The following PDZD8 variants were observed in gnomAD, a reference collection of about 807,000 sequenced individuals.
PDZD8 encodes the protein PDZ domain-containing protein 8.
Under a neutral mutation model 85.8 loss-of-function variants are expected in PDZD8, and 14 were observed. The ratio of observed to expected loss-of-function variants is 0.16; its 90% CI spans 0.11 to 0.26. The LOEUF is 0.26. Among genes scored for constraint, PDZD8 ranks in the 10% least tolerant of loss-of-function variants. PDZD8 has a pLI of 1.00. For synonymous variants in PDZD8, 592 were observed against 568.6 expected (o/e 1.04, Z -0.59); for missense variants, 1,197 against 1,424.3 (o/e 0.84, Z 2.57).
At chr10:117,305,984 GGTT>G (rs1176726068) in intron 3 of PDZD8, among the ~76,000 whole-genome samples, 2 of 152,058 alleles carry the variant, frequency 1.3e-5, no homozygotes, top group Non-Finnish European at 1.5e-5. Context: ...TACCACACTG[GGTT>G]GTTGTCAACA....
chr10:117,370,258 T>C (rs1337157726), intron 1 of PDZD8, among the ~76,000 whole-genome samples: 1 of 152,264 alleles, frequency 6.6e-6, no homozygotes, highest in African/African-American at 2.4e-5. Flanking sequence ...ACAAACATTG[T>C]AAGTTTGTTA....
chr10:117,375,285 C>A lies in PDZD8; in HGVS notation c.-58G>T, dbSNP rs1845284727. ...CGCGCCCACAGCGCCGCTTTCTTCA[C>A]GCCGCCGCCCCCGCTGCCTCCATTT... On this transcript the variant is annotated 5_prime_UTR_variant, in exon 1 of 5. Transcript: ENST00000334464. 7.3e-7 allele frequency: 1 copy of A among 1,377,268 alleles called. No homozygotes were observed. The highest frequency in any genetic ancestry group is 9.5e-7 in the Non-Finnish European group (1 of 1,054,752). 85.3% of individuals were successfully genotyped at this position (1,377,268 alleles called of 1,614,324 possible). A position where few individuals can be genotyped will look rare whatever the true frequency, so the allele number is the denominator to read the frequency against.
intron 2 of PDZD8, among the ~76,000 whole-genome samples, chr10:117,330,074 T>C (rs1844396070): frequency 6.8e-6 from 1 of 147,350 alleles, no homozygotes; most frequent in Admixed American, 6.7e-5. Context: ...TTTTTTTTCC[T>C]TTGGTGACTA....
At chr10:117,363,730 T>C (rs1204816178) in intron 1 of PDZD8, among the ~76,000 whole-genome samples, 1 of 152,214 alleles carries the variant, frequency 6.6e-6, no homozygotes, top group Non-Finnish European at 1.5e-5. Flanking sequence ...TGAAAAATTT[T>C]CTAGCTTTTC....
At chr10:117,287,605 C>T (rs1342215052) in intron 4 of PDZD8, among the ~76,000 whole-genome samples, 1 of 152,154 alleles carries the variant, frequency 6.6e-6, no homozygotes, top group Non-Finnish European at 1.5e-5. Context: ...ATATTTGACT[C>T]CCTAGAAACA....
chr10:117,311,487 G>A (rs899193249), intron 3 of PDZD8, among the ~76,000 whole-genome samples: 11 of 152,108 alleles, frequency 7.2e-5, no homozygotes, highest in African/African-American at 9.7e-5. Flanking sequence ...TGAATGCCAC[G>A]TGCTATGAGC....
rs1373996418 is a variant in PDZD8 at position 117,282,471 on chromosome 10, T to A, written c.*797A>T. 1 of 152,184 alleles carries A rather than the reference T, an allele frequency of 6.6e-6. No homozygotes were observed. Among genetic ancestry groups the A allele is most frequent in the African/African-American group, 2.4e-5 (1 of 41,450 alleles). The allele number at this position is 152,184 out of a possible 1,614,324, so 9.4% of individuals were successfully genotyped here. A position where few individuals can be genotyped will look rare whatever the true frequency, so the allele number is the denominator to read the frequency against. On this transcript the variant is annotated 3_prime_UTR_variant, in exon 5 of 5. Transcript: ENST00000334464. Reference sequence around the variant, plus strand: ...ATGTTACTGTTTTTCAGTAATTAAGTCTTGTTATCCTCTCTACAAAATTCT... The same window carrying A: ...ATGTTACTGTTTTTCAGTAATTAAGACTTGTTATCCTCTCTACAAAATTCT...
Position 117,278,157 on chromosome 10 carries a change from G to A in PDZD8, c.*5111C>T, listed in dbSNP as rs363282. On this transcript the variant is annotated 3_prime_UTR_variant, in exon 5 of 5. Transcript: ENST00000334464. The stretch of plus-strand genomic sequence containing the variant: ...GTTTTAGAAAAGGAAACAAGAAGCT[G>A]AAAACAGCTGCTCTGACTTTAATAT... 0.77 allele frequency: 116,877 copies of A among 152,076 alleles called. 45,571 individuals are homozygous for A. The highest frequency in any genetic ancestry group is 0.85 in the Non-Finnish European group (57,753 of 67,998). 9.4% of individuals were successfully genotyped at this position (152,076 alleles called of 1,614,324 possible).
intron 2 of PDZD8, among the ~76,000 whole-genome samples, chr10:117,333,986 G>C (rs1462113109): frequency 6.6e-6 from 1 of 152,052 alleles, no homozygotes; most frequent in Admixed American, 6.6e-5. Context: ...AAGCAATGAG[G>C]GAAACAAAAG....
chr10:117,318,950 G>A lies in PDZD8; in HGVS notation c.1020C>T (p.Asp340=), dbSNP rs752358526. The A allele has an allele frequency of 6.2e-7, 1 of 1,611,322 alleles. No individual in the cohort carries two copies. Among genetic ancestry groups the A allele is most frequent in the Admixed American group, 1.7e-5 (1 of 59,958 alleles). ...CSRLLIFGSY[D]REANVHCTLE... is the part of the protein sequence containing the mutation. Reference sequence around the variant, plus strand: ...GTGTGCAATGAACATTTGCCTCTCTGTCATAGGATCCAAAAATGAGTAACC... The same window carrying A: ...GTGTGCAATGAACATTTGCCTCTCTATCATAGGATCCAAAAATGAGTAACC... The change falls in exon 3 of 5, where the codon GAC becomes GAT. Residue 340 remains aspartate (D), a synonymous_variant. Transcript: ENST00000334464.
intron 1 of PDZD8, among the ~76,000 whole-genome samples, chr10:117,367,372 C>A (rs963079132): frequency 6.6e-6 from 1 of 151,952 alleles, no homozygotes; most frequent in Non-Finnish European, 1.5e-5. Context: ...TATAGCGCCA[C>A]CGCACTCCAG....
chr10:117,301,611 A>G (rs1463474837), intron 3 of PDZD8, among the ~76,000 whole-genome samples: 1 of 152,234 alleles, frequency 6.6e-6, no homozygotes, highest in East Asian at 1.9e-4. Context: ...ATGTCAGATC[A>G]ATTTGTTTAT....
intron 4 of PDZD8, among the ~76,000 whole-genome samples, chr10:117,288,762 C>T (rs1844709282): frequency 6.6e-6 from 1 of 152,222 alleles, no homozygotes; most frequent in South Asian, 2.1e-4. Flanking sequence ...CCCGCCTCGG[C>T]CTCCCAAAGT....
chr10:117,278,500 C>T lies in PDZD8; in HGVS notation c.*4768G>A, dbSNP rs1396749562. ...TGCCTTTTCAGTGTAACAGCAAATACTGTTAGTGAACATTGTCAATTTATG... is the reference window on the plus strand; with the variant it reads ...TGCCTTTTCAGTGTAACAGCAAATATTGTTAGTGAACATTGTCAATTTATG... On this transcript the variant is annotated 3_prime_UTR_variant, in exon 5 of 5. Transcript: ENST00000334464. The T allele has an allele frequency of 1.3e-5, 2 of 152,186 alleles. No homozygotes were observed. The highest frequency in any genetic ancestry group is 4.8e-5 in the African/African-American group (2 of 41,462). 9.4% of individuals were successfully genotyped at this position (152,186 alleles called of 1,614,324 possible). A position where few individuals can be genotyped will look rare whatever the true frequency, so the allele number is the denominator to read the frequency against.
At chr10:117,347,349 C>A (rs1844726572) in intron 1 of PDZD8, among the ~76,000 whole-genome samples, 2 of 152,176 alleles carry the variant, frequency 1.3e-5, no homozygotes, top group African/African-American at 4.8e-5. Flanking sequence ...TTCTATTGAT[C>A]CCAGGTTTTA....
At chr10:117,340,657 AT>A (rs1844596036) in intron 2 of PDZD8, among the ~76,000 whole-genome samples, 1 of 152,278 alleles carries the variant, frequency 6.6e-6, no homozygotes, top group African/African-American at 2.4e-5. Context: ...AATAAGTATC[AT>A]TGAGTAATTT....
rs139527410 is a variant in PDZD8, at chr10:117,341,477, A to G, written c.873-375T>C. On this transcript the variant is annotated intron_variant, in intron 1 of 4. Coordinates refer to ENST00000334464, the MANE Select transcript of PDZD8 (RefSeq NM_173791.5). ...TGCATGTTCCATGGAAATAATATACAGTCCCCTTGGCATCCATGGGGGATT... is the reference window on the plus strand; with the variant it reads ...TGCATGTTCCATGGAAATAATATACGGTCCCCTTGGCATCCATGGGGGATT... Among the ~76,000 whole-genome samples the G allele has an allele frequency of 1.2e-4, 18 of 152,292 alleles. 1 individual carries two copies. In the East Asian group the frequency reaches 2.9e-3, roughly 24 times the overall value.
intron 2 of PDZD8, among the ~76,000 whole-genome samples, chr10:117,325,147 T>C (rs533974068): frequency 2.0e-5 from 3 of 152,110 alleles, no homozygotes; most frequent in Non-Finnish European, 4.4e-5. Context: ...ACTGCCACCA[T>C]GGAAAAACTG....
At chr10:117,320,653 A>G (rs545967670) in intron 2 of PDZD8, among the ~76,000 whole-genome samples, 1 of 152,218 alleles carries the variant, frequency 6.6e-6, no homozygotes, top group East Asian at 1.9e-4. Context: ...CTTAAATACA[A>G]TAAGTACCAA....
Sources: allele counts gnomAD v4.1 joint callset (sites outside exome capture counted in the v4.1 genomes callset), GRCh38; gene constraint gnomAD v4.1.1; transcripts MANE v1.5; gene names NCBI Gene and HGNC (gene_info 2026-07-23, HGNC 2026-07-21).